CD80: variants seen among roughly 807,000 people sequenced by gnomAD.
The protein encoded by CD80 is T-lymphocyte activation antigen CD80.
In CD80, 13 loss-of-function variants were observed where a neutral mutation model predicts 27.1. The ratio of observed to expected loss-of-function variants is 0.48; its 90% CI spans 0.31 to 0.76. The LOEUF is 0.76. CD80 is among the 30% of genes least tolerant of loss of function. CD80 has a pLI of 0.04. For missense variants in CD80, 277 were observed against 347.9 expected (o/e 0.80, Z 1.62); for synonymous variants, 125 against 125.5 (o/e 1.00, Z 0.03).
intron 5 of CD80, 81 bp downstream of exon 5, chr3:119,529,761 A>T: frequency 1.1e-6 from 1 of 947,882 alleles, no homozygotes. Flanking sequence ...ATAGGCTAAA[A>T]CCTCAGAGAG....
Position 119,557,881 on chromosome 3 carries a change from TGGA to T in CD80, c.-156_-154del. On this transcript the variant is annotated 5_prime_UTR_variant, in exon 2 of 7. Transcript: ENST00000264246. ...TGATGTTTACAAAACACACAGAGAT[TGGA>T]GGGTGTTCCTGGGTCTCCAAAGGTT... 2.2e-6 allele frequency: 1 copy of T among 445,744 alleles called. No individual in the cohort carries two copies. The highest frequency in any genetic ancestry group is 5.7e-5 in the South Asian group (1 of 17,428). 27.6% of individuals were successfully genotyped at this position (445,744 alleles called of 1,614,324 possible). A position where few individuals can be genotyped will look rare whatever the true frequency, so the allele number is the denominator to read the frequency against.
chr3:119,537,293 A>T lies in CD80; in HGVS notation c.544T>A (p.Leu182Ile). ...GAAACTGTTGTGTTGATGGCATTTA[A>T]TTCTTCTCCATTTTCCAACCAGGAG... ...HLSWLENGEE[L>I]NAINTTVSQD... is the part of the protein sequence containing the mutation. The change falls in exon 4 of 7, where the codon TTA becomes ATA. Residue 182 changes from leucine to isoleucine, a missense_variant. Leu to Ile is a conservative substitution (Grantham distance 5, BLOSUM62 2). Transcript: ENST00000264246. 1 of 1,614,116 alleles carries T rather than the reference A, an allele frequency of 6.2e-7. No homozygotes were observed. The highest frequency in any genetic ancestry group is 8.5e-7 in the Non-Finnish European group (1 of 1,180,000).
rs1408466545 is a variant in CD80, at chr3:119,525,007, A to G, written c.*781T>C. On this transcript the variant is annotated 3_prime_UTR_variant, in exon 7 of 7. Coordinates refer to ENST00000264246, the MANE Select transcript of CD80 (RefSeq NM_005191.4). The stretch of plus-strand genomic sequence containing the variant: ...TAGCATAAAGCCATTTAAAGAGATT[A>G]TCAGTCCAATATGAACCAGTTAAGT... 2 of 152,256 alleles carry G rather than the reference A, an allele frequency of 1.3e-5. No homozygotes were observed. The highest frequency in any genetic ancestry group is 4.8e-5 in the African/African-American group (2 of 41,470). 9.4% of individuals were successfully genotyped at this position (152,256 alleles called of 1,614,324 possible). A position where few individuals can be genotyped will look rare whatever the true frequency, so the allele number is the denominator to read the frequency against.
At chr3:119,548,853 G>A (rs2082214804) in intron 2 of CD80, among the ~76,000 whole-genome samples, 1 of 152,060 alleles carries the variant, frequency 6.6e-6, no homozygotes, top group Admixed American at 6.5e-5. Context: ...TGGTCAACAT[G>A]GTGAAACCCC....
intron 4 of CD80, among the ~76,000 whole-genome samples, chr3:119,530,790 T>A (rs1203612139): frequency 6.6e-6 from 1 of 152,218 alleles, no homozygotes; most frequent in African/African-American, 2.4e-5. Context: ...GGCTTACAAA[T>A]AAATGAATAT....
chr3:119,524,807 GA>G lies in CD80; in HGVS notation c.*980del, dbSNP rs2082055182. On this transcript the variant is annotated 3_prime_UTR_variant, in exon 7 of 7. Transcript: ENST00000264246. ...TCTTTCCAGTTCTCTGCTGATGTCA[GA>G]AAGACCCAGAAATACCAAGGAGAAA... 6.6e-6 allele frequency: 1 copy of G among 152,186 alleles called. No homozygotes were observed. Among genetic ancestry groups the G allele is most frequent in the African/African-American group, 2.4e-5 (1 of 41,440 alleles). 9.4% of individuals were successfully genotyped at this position (152,186 alleles called of 1,614,324 possible).
chr3:119,544,603 T>C lies in CD80; in HGVS notation c.365A>G (p.Glu122Gly), dbSNP rs1375478000. ...GTYECVVLKYEKDAFKREHLA... is the reference protein window; with the variant it reads ...GTYECVVLKYGKDAFKREHLA... ...GTGTTCCCGCTTGAAAGCGTCTTTT[T>C]CATACTTCAGAACAACACACTCGTA... is the stretch of plus-strand genomic sequence containing the variant. The change falls in exon 3 of 7, where the codon GAA becomes GGA. Residue 122 changes from glutamate to glycine, a missense_variant. Coordinates refer to ENST00000264246, the MANE Select transcript of CD80 (RefSeq NM_005191.4). The C allele has an allele frequency of 6.2e-7, 1 of 1,614,092 alleles. No homozygotes were observed. Among genetic ancestry groups the C allele is most frequent in the Non-Finnish European group, 8.5e-7 (1 of 1,180,038 alleles).
At chr3:119,542,485 A>T (rs1179127891) in intron 3 of CD80, among the ~76,000 whole-genome samples, 1 of 152,186 alleles carries the variant, frequency 6.6e-6, no homozygotes, top group Non-Finnish European at 1.5e-5. Context: ...CCAGGGGAAA[A>T]AGAAATATGT....
intron 2 of CD80, 42 bp downstream of exon 2, chr3:119,557,587 C>T (rs1176192230): frequency 2.1e-6 from 3 of 1,406,222 alleles, no homozygotes; most frequent in African/African-American, 1.4e-5. Flanking sequence ...TTCTCTTAAC[C>T]CTGTAGCAGT....
intron 4 of CD80, among the ~76,000 whole-genome samples, chr3:119,533,972 T>C (rs1046276915): frequency 5.9e-5 from 9 of 152,164 alleles, no homozygotes; most frequent in Non-Finnish European, 1.0e-4. Flanking sequence ...ATTAATGAGA[T>C]TTGAGACATT....
In CD80 at chr3:119,533,061, G is replaced by T. The variant is rs535582569; in HGVS notation, c.701-3124C>A. ...ACAAGCCATTGCTGTTATCCTGGGAGTCTAGAAGTTTCACAGGCTTCAGCT... is the reference window on the plus strand; with the variant it reads ...ACAAGCCATTGCTGTTATCCTGGGATTCTAGAAGTTTCACAGGCTTCAGCT... On this transcript the variant is annotated intron_variant, in intron 4 of 6. Coordinates refer to ENST00000264246, the MANE Select transcript of CD80 (RefSeq NM_005191.4). Among the ~76,000 whole-genome samples, 7 of 152,202 alleles carry T rather than the reference G, an allele frequency of 4.6e-5. No homozygotes were observed. The South Asian group carries it at 1.4e-3, about 31-fold the overall frequency.
intron 4 of CD80, among the ~76,000 whole-genome samples, chr3:119,533,027 CA>C (rs2082118371): frequency 6.6e-6 from 1 of 152,136 alleles, no homozygotes; most frequent in South Asian, 2.1e-4. Context: ...TAGAATGACA[CA>C]AAAAATAACA....
At chr3:119,542,495 T>A (rs116704291) in intron 3 of CD80, among the ~76,000 whole-genome samples, 256 of 152,320 alleles carry the variant, frequency 1.7e-3, no homozygotes, top group African/African-American at 5.9e-3. Context: ...AAGAAATATG[T>A]TCAAATTTCA....
intron 2 of CD80, among the ~76,000 whole-genome samples, chr3:119,546,891 G>A (rs541519640): frequency 1.1e-4 from 16 of 151,966 alleles, no homozygotes; most frequent in African/African-American, 1.7e-4. Flanking sequence ...GCATTTAACC[G>A]TGGGAAAAAT....
rs1239524982 is a variant in CD80 at position 119,525,342 on chromosome 3, T to C, written c.*446A>G. ...GATAGTCTCTGAAGTTGACCTGTTA[T>C]TGGACAAATTCTACTTCCAGCAGCA... On this transcript the variant is annotated 3_prime_UTR_variant, in exon 7 of 7. Transcript: ENST00000264246. 2.0e-5 allele frequency: 3 copies of C among 152,246 alleles called. No homozygotes were observed. Among genetic ancestry groups the C allele is most frequent in the African/African-American group, 2.4e-5 (1 of 41,470 alleles). The allele number at this position is 152,246 out of a possible 1,614,324, so 9.4% of individuals were successfully genotyped here.
At chr3:119,546,329 A>T (rs1285646205) in intron 2 of CD80, among the ~76,000 whole-genome samples, 1 of 152,170 alleles carries the variant, frequency 6.6e-6, no homozygotes, top group East Asian at 1.9e-4. Context: ...ATTACTCTTC[A>T]TACTATTTCC....
At chr3:119,540,477 C>T (rs781301683) in intron 3 of CD80, among the ~76,000 whole-genome samples, 37 of 152,056 alleles carry the variant, frequency 2.4e-4, no homozygotes, top group Middle Eastern at 3.4e-3. Flanking sequence ...TGAACCCTGT[C>T]CCTAAATGAA....
chr3:119,529,472 T>C (rs2082097837), intron 5 of CD80, among the ~76,000 whole-genome samples: 1 of 151,778 alleles, frequency 6.6e-6, no homozygotes, highest in Non-Finnish European at 1.5e-5. Context: ...GACTAGCCCT[T>C]AAAAAAAAAT....
chr3:119,544,282 A>C, intron 3 of CD80: 1 of 459,972 alleles, frequency 2.2e-6, no homozygotes, highest in Non-Finnish European at 3.9e-6. Flanking sequence ...CCCCTTGGTG[A>C]TTGAGAGGCT....
Sources: allele counts gnomAD v4.1 joint callset (sites outside exome capture counted in the v4.1 genomes callset), GRCh38; gene constraint gnomAD v4.1.1; transcripts MANE v1.5; gene names NCBI Gene and HGNC (gene_info 2026-07-23, HGNC 2026-07-21).